The following NCAM1 variants were observed in gnomAD, a reference collection of about 807,000 sequenced individuals.
NCAM1 encodes neural cell adhesion molecule 1, also known as antigen recognized by monoclonal antibody 5.1H11.
A neutral mutation model predicts 109.8 loss-of-function variants in NCAM1; 14 were observed. That is an observed-to-expected ratio of 0.13 (90% confidence interval 0.08 to 0.20). The LOEUF (loss-of-function observed/expected upper bound fraction) is 0.20. Among genes scored for constraint, NCAM1 ranks in the 10% least tolerant of loss-of-function variants. NCAM1 has a pLI of 1.00. For synonymous variants in NCAM1, 418 were observed against 442.9 expected (o/e 0.94, Z 0.70); for missense variants, 774 against 1,109.9 (o/e 0.70, Z 4.30).
At chr11:113,219,881 G>A (rs565965323) in intron 8 of NCAM1, among the ~76,000 whole-genome samples, 1 of 152,192 alleles carries the variant, frequency 6.6e-6, no homozygotes, top group Non-Finnish European at 1.5e-5. Context: ...TTTGGTCTCT[G>A]CATGTTCCTC....
intron 1 of NCAM1, among the ~76,000 whole-genome samples, chr11:113,128,970 A>C (rs911683851): frequency 3.3e-5 from 5 of 151,736 alleles, no homozygotes; most frequent in Non-Finnish European, 5.9e-5. Flanking sequence ...GGCACACATG[A>C]TATATTAAAA....
intron 1 of NCAM1, among the ~76,000 whole-genome samples, chr11:113,076,008 C>A (rs1225169116): frequency 2.0e-5 from 3 of 152,098 alleles, no homozygotes; most frequent in African/African-American, 7.2e-5. Context: ...AAAAGAAATG[C>A]CTAAAACCAT....
chr11:112,972,290 A>G (rs1565356897), intron 1 of NCAM1, among the ~76,000 whole-genome samples: 2 of 152,128 alleles, frequency 1.3e-5, no homozygotes, highest in East Asian at 1.9e-4. Flanking sequence ...CTATATTTTT[A>G]TATGTTCAGT....
chr11:113,258,380 G>A (rs1395209412), intron 16 of NCAM1, among the ~76,000 whole-genome samples: 2 of 152,170 alleles, frequency 1.3e-5, no homozygotes, highest in East Asian at 1.9e-4. Context: ...ACTTAGTCCC[G>A]AGGTACCTCC....
Position 113,091,426 on chromosome 11 carries a change from C to T in NCAM1, c.53-110953C>T, listed in dbSNP as rs148171012. ...GGCCACTCAGGGTTCTAGTGCCAGA[C>T]GTAGTTCACTGCTATTGTTATATCC... is the stretch of plus-strand genomic sequence containing the variant. On this transcript the variant is annotated intron_variant, in intron 1 of 19. Coordinates refer to ENST00000316851, the MANE Select transcript of NCAM1 (RefSeq NM_181351.5). 6.4e-3 allele frequency among the ~76,000 whole-genome samples: 981 copies of T among 152,164 alleles called. 3 individuals are homozygous for T. The highest frequency in any genetic ancestry group is 9.6e-3 in the Non-Finnish European group (653 of 68,004).
chr11:113,114,762 C>T lies in NCAM1; in HGVS notation c.53-87617C>T, dbSNP rs982983919. ...TATTTTGCAGTCATAACCTTTTACT[C>T]AGCTAGTCAACAACAGGTATTCTGT... On this transcript the variant is annotated intron_variant, in intron 1 of 19. Transcript: ENST00000316851. 4.6e-5 allele frequency among the ~76,000 whole-genome samples: 7 copies of T among 152,322 alleles called. No individual in the cohort carries two copies. In the East Asian group the frequency reaches 1.4e-3, roughly 29 times the overall value.
intron 17 of NCAM1, chr11:113,269,831 C>G (rs1463862901): frequency 9.4e-6 from 3 of 318,478 alleles, no homozygotes; most frequent in African/African-American, 2.1e-5. Context: ...TGCTGCAAAG[C>G]CTTTTGCCCT....
intron 19 of NCAM1, among the ~76,000 whole-genome samples, chr11:113,272,474 C>A (rs1555125661): frequency 6.6e-6 from 1 of 152,132 alleles, no homozygotes; most frequent in Admixed American, 6.5e-5. Flanking sequence ...CTGCCTTATT[C>A]GTGACTTTTC....
chr11:113,264,888 T>C (rs1946103830), intron 17 of NCAM1: 2 of 985,484 alleles, frequency 2.0e-6, no homozygotes, highest in South Asian at 9.4e-5. Context: ...CCACGGACAC[T>C]GAGTTCCTGG....
At chr11:113,200,648 G>A (rs1156241905) in intron 1 of NCAM1, among the ~76,000 whole-genome samples, 2 of 152,180 alleles carry the variant, frequency 1.3e-5, no homozygotes, top group Non-Finnish European at 2.9e-5. Flanking sequence ...GAGGCAGGAT[G>A]TGGTGATGTC....
intron 1 of NCAM1, chr11:113,130,876 T>A (rs1555098206): frequency 6.6e-6 from 1 of 152,240 alleles, no homozygotes; most frequent in African/African-American, 2.4e-5. Context: ...ATATTTAGGA[T>A]ATTCTTCCTA....
intron 1 of NCAM1, among the ~76,000 whole-genome samples, chr11:113,135,987 T>A (rs1289404264): frequency 2.0e-5 from 3 of 152,194 alleles, no homozygotes; most frequent in Non-Finnish European, 4.4e-5. Flanking sequence ...ACACTTAACT[T>A]GCTCAGGATT....
At chr11:113,204,027 G>A (rs1422500202) in intron 2 of NCAM1, among the ~76,000 whole-genome samples, 1 of 152,166 alleles carries the variant, frequency 6.6e-6, no homozygotes, top group African/African-American at 2.4e-5. Context: ...ATTAGGGATA[G>A]GACCATGATA....
chr11:113,153,321 G>C (rs562869726), intron 1 of NCAM1, among the ~76,000 whole-genome samples: 1 of 152,180 alleles, frequency 6.6e-6, no homozygotes, highest in African/African-American at 2.4e-5. Flanking sequence ...GATTACAGGC[G>C]TGAGCCACCA....
At chr11:113,192,625 C>G (rs553542355) in intron 1 of NCAM1, among the ~76,000 whole-genome samples, 1 of 152,006 alleles carries the variant, frequency 6.6e-6, no homozygotes, top group Non-Finnish European at 1.5e-5. Context: ...CAGGTGAGAC[C>G]GGGACAGAGC....
chr11:113,052,539 A>G (rs1555081961), intron 1 of NCAM1, among the ~76,000 whole-genome samples: 2 of 151,766 alleles, frequency 1.3e-5, no homozygotes, highest in Admixed American at 1.3e-4. Context: ...GGGAAATGCC[A>G]TAGTATGTCA....
intron 1 of NCAM1, among the ~76,000 whole-genome samples, chr11:113,024,347 G>T (rs999910649): frequency 4.6e-5 from 7 of 152,156 alleles, no homozygotes; most frequent in Non-Finnish European, 7.3e-5. Flanking sequence ...CATACATGTA[G>T]TAAGTTTTAT....
Position 113,260,383 on chromosome 11 carries a change from C to T in NCAM1, c.2131+60C>T, listed in dbSNP as rs1565535780. ...TTGAATTAATGCACAAGTGCTGCAC[C>T]TCCTAATGCGCCTGAACAACCCTGA... On this transcript the variant is annotated intron_variant, in intron 17 of 19. Coordinates refer to ENST00000316851, the MANE Select transcript of NCAM1 (RefSeq NM_181351.5). 17 of 1,537,332 alleles carry T rather than the reference C, an allele frequency of 1.1e-5. No individual in the cohort carries two copies. In the East Asian group the frequency reaches 3.4e-4, roughly 31 times the overall value.
intron 17 of NCAM1, chr11:113,263,938 C>T (rs1301576873): frequency 2.3e-5 from 23 of 985,378 alleles, no homozygotes; most frequent in Non-Finnish European, 2.5e-5. Flanking sequence ...AATGCCCCAG[C>T]CTCTGTATTG....
Sources: allele counts gnomAD v4.1 joint callset (sites outside exome capture counted in the v4.1 genomes callset), GRCh38; gene constraint gnomAD v4.1.1; transcripts MANE v1.5; gene names NCBI Gene and HGNC (gene_info 2026-07-23, HGNC 2026-07-21).